Variants in MAP3K15 observed in about 807,000 individuals in gnomAD.
MAP3K15 encodes the protein MAPK/ERK kinase kinase 15.
MAP3K15 carries 124 observed loss-of-function variants against 99.5 expected under a neutral mutation model. The observed-to-expected ratio is 1.25, with a 90% CI of 1.08 to 1.45. The LOEUF is 1.45. Ranked by LOEUF, MAP3K15 falls within the 40% of genes most tolerant of loss-of-function variation. MAP3K15 has a pLI of 0.00. For synonymous variants in MAP3K15, 494 were observed against 439.6 expected, an observed-to-expected ratio of 1.12 and a Z score of -1.55; for missense variants, 1,242 against 1,079.7, an observed-to-expected ratio of 1.15 and a Z score of -2.11.
chrX:19,492,275 C>A, intron 1 of MAP3K15, among the ~76,000 whole-genome samples: 1 of 111,113 alleles, frequency 9.0e-6, no homozygotes, highest in Non-Finnish European at 1.9e-5. Context: ...ATCCACCCCT[C>A]CCTCCCTGTG....
intron 3 of MAP3K15, among the ~76,000 whole-genome samples, chrX:19,465,652 G>A (rs1052112173): frequency 1.8e-5 from 2 of 109,809 alleles, no homozygotes; most frequent in African/African-American, 6.6e-5. Flanking sequence ...TACTCAGGAG[G>A]CTGAGGCAGG....
chrX:19,393,645 AAAAG>A (rs2147248904), intron 16 of MAP3K15, among the ~76,000 whole-genome samples: 1 of 110,686 alleles, frequency 9.0e-6, no homozygotes, highest in East Asian at 2.8e-4. Flanking sequence ...CTCAAAAAAA[AAAAG>A]AAAAAGCAGC....
chrX:19,411,554 G>A (rs1000607970), intron 11 of MAP3K15, among the ~76,000 whole-genome samples: 2 of 112,040 alleles, frequency 1.8e-5, no homozygotes, highest in Non-Finnish European at 3.8e-5. Flanking sequence ...CATGGGGGGC[G>A]GTGAAAAGTG....
In MAP3K15 at chrX:19,372,665, C is replaced by G; in HGVS notation, c.3096G>C (p.Glu1032Asp). 2 of 1,209,186 alleles carry G rather than the reference C, an allele frequency of 1.7e-6. No homozygotes were observed. The highest frequency in any genetic ancestry group is 1.7e-5 in the African/African-American group (1 of 57,715). Residue 1032 changes from glutamate (E) to aspartate (D), a missense_variant, in exon 22 of 29, where the codon GAG becomes GAC. Coordinates refer to ENST00000338883, the MANE Select transcript of MAP3K15 (RefSeq NM_001001671.4). ...EQNQVASNLQECVAQSSEELH... is the reference protein window; with the variant it reads ...EQNQVASNLQDCVAQSSEELH... The stretch of plus-strand genomic sequence containing the variant: ...CTCGGGCAAATACCTGGGCCACACA[C>G]TCCTGCAGGTTGGAAGCCACCTGGT...
chrX:19,411,300 T>G (rs1422350395), intron 11 of MAP3K15, among the ~76,000 whole-genome samples: 4 of 112,267 alleles, frequency 3.6e-5, no homozygotes, highest in Non-Finnish European at 7.5e-5. Context: ...TCAAGAGAAC[T>G]GCCATGAATA....
At chrX:19,478,599 T>A (rs780412923) in intron 3 of MAP3K15, among the ~76,000 whole-genome samples, 1 of 110,244 alleles carries the variant, frequency 9.1e-6, no homozygotes, top group Admixed American at 9.6e-5. Flanking sequence ...CCAGTGTCTG[T>A]TTTTCAAAGA....
At chrX:19,427,672 G>T (rs1177960135) in intron 7 of MAP3K15, among the ~76,000 whole-genome samples, 1 of 111,531 alleles carries the variant, frequency 9.0e-6, no homozygotes, top group African/African-American at 3.3e-5. Context: ...AGGAAAAAAA[G>T]AACTCAATGA....
intron 1 of MAP3K15, among the ~76,000 whole-genome samples, chrX:19,505,334 G>A (rs1230524561): frequency 8.9e-6 from 1 of 111,912 alleles, no homozygotes; most frequent in Non-Finnish European, 1.9e-5. Flanking sequence ...TAATTTTCTA[G>A]CAGTTGGACT....
rs1338965854 is a variant in MAP3K15, at chrX:19,380,025, T to C, written c.2589+95A>G. The C allele has an allele frequency of 1.7e-5, 16 of 942,186 alleles. 1 individual carries two copies. The East Asian group carries it at 5.6e-4, about 33-fold the overall frequency. 77.6% of individuals were successfully genotyped at this position (942,186 alleles called of 1,213,427 possible). ...ATAATAAAACTGTTTCCTTCTCTCC[T>C]ACCTTTGTGGAGAGGTTTTCTGGAT... On this transcript the variant is annotated intron_variant, in intron 19 of 28. Transcript: ENST00000338883.
intron 20 of MAP3K15, 33 bp downstream of exon 20, chrX:19,374,444 G>A: frequency 8.4e-7 from 1 of 1,184,031 alleles, no homozygotes; most frequent in Non-Finnish European, 1.1e-6. Flanking sequence ...CTTGTGGCCA[G>A]GGTGCTGCCC....
chrX:19,430,798 C>T (rs1336960450), intron 7 of MAP3K15, among the ~76,000 whole-genome samples: 1 of 110,901 alleles, frequency 9.0e-6, no homozygotes, highest in Non-Finnish European at 1.9e-5. Flanking sequence ...CCACCAAGAA[C>T]ACTTTCTCCA....
At chrX:19,380,379 T>A in intron 18 of MAP3K15, 102 bp from the exon 19 acceptor site, 1 of 897,957 alleles carries the variant, frequency 1.1e-6, no homozygotes, top group Non-Finnish European at 1.5e-6. Flanking sequence ...GAGGATCACC[T>A]GAGCCCAGGT....
chrX:19,418,912 C>G (rs1397378458), intron 9 of MAP3K15, among the ~76,000 whole-genome samples: 1 of 111,750 alleles, frequency 8.9e-6, no homozygotes, highest in African/African-American at 3.3e-5. Flanking sequence ...GAATTTTCAA[C>G]CCAGAATTTC....
intron 1 of MAP3K15, among the ~76,000 whole-genome samples, chrX:19,514,347 G>A (rs1484796441): frequency 1.9e-5 from 2 of 104,711 alleles, no homozygotes; most frequent in African/African-American, 7.0e-5. Flanking sequence ...CTTGGGAGAA[G>A]GGGGGCTTGG....
intron 3 of MAP3K15, among the ~76,000 whole-genome samples, chrX:19,481,115 CAAAAAAAAA>C (rs60578003): frequency 1.8e-5 from 1 of 55,279 alleles, no homozygotes; most frequent in African/African-American, 1.0e-4. Context: ...GAACTTGTCT[CAAAAAAAAA>C]AAAAAAAAAA....
rs564201841 is a variant in MAP3K15, at chrX:19,374,602, G to A, written c.2648C>T (p.Ala883Val). ...IPEALSAEAR[A>V]FILSCFEPDP... ...AGGCTCGAAACAGGATAAAATGAAG[G>A]CTCGGGCTTCAGCTGAAAGGGCTTC... Residue 883 changes from alanine to valine, a missense_variant, in exon 20 of 29, where the codon GCC (alanine) becomes GTC (valine). Ala to Val is a moderately conservative substitution (Grantham distance 64, BLOSUM62 0). Transcript: ENST00000338883. 14 of 1,209,499 alleles carry A rather than the reference G, an allele frequency of 1.2e-5. No homozygotes were observed. The highest frequency in any genetic ancestry group is 3.5e-5 in the African/African-American group (2 of 57,148).
chrX:19,405,924 A>G (rs931526229), intron 13 of MAP3K15, among the ~76,000 whole-genome samples: 13 of 112,343 alleles, frequency 1.2e-4, no homozygotes, highest in Non-Finnish European at 1.1e-4. Flanking sequence ...AAAAAGTTTA[A>G]TTTTTTTAAT....
At chrX:19,488,162 T>C (rs1054138421) in intron 2 of MAP3K15, among the ~76,000 whole-genome samples, 1 of 112,057 alleles carries the variant, frequency 8.9e-6, no homozygotes, top group African/African-American at 3.2e-5. Context: ...CAATATCCAC[T>C]GAATTTTGGA....
At chrX:19,481,885 T>C (rs752514647) in intron 3 of MAP3K15, 16 of 111,038 alleles carry the variant, frequency 1.4e-4, no homozygotes, top group Admixed American at 4.8e-4. Flanking sequence ...AAATTAAAGG[T>C]ATATTTACCA....
Sources: gnomAD v4.1 joint callset for allele counts (sites outside exome capture counted in the v4.1 genomes callset) on GRCh38, gnomAD v4.1.1 for gene constraint, MANE v1.5 for transcripts, NCBI Gene and HGNC (gene_info 2026-07-23, HGNC 2026-07-21) for gene names.